PFAS: variants seen among roughly 807,000 people sequenced by gnomAD.
PFAS encodes the protein FGAM synthase.
Under a neutral mutation model 140.6 loss-of-function variants are expected in PFAS, and 97 were observed. The observed-to-expected ratio is 0.69, with a 90% CI of 0.59 to 0.82. PFAS has a LOEUF of 0.82. Among genes scored for constraint, PFAS ranks in the 40% least tolerant of loss-of-function variants. The pLI, the probability that PFAS is intolerant of heterozygous loss-of-function variation, is 0.00. For missense variants in PFAS, 1,656 were observed against 1,780.2 expected (o/e 0.93, Z 1.26); for synonymous variants, 679 against 718.8 (o/e 0.94, Z 0.88).
rs764969195 is a variant in PFAS, at chr17:8,263,896, G to T, written c.1751G>T (p.Cys584Phe). The T allele has an allele frequency of 1.6e-5, 26 of 1,613,784 alleles. No individual in the cohort carries two copies. Among genetic ancestry groups the T allele is most frequent in the Admixed American group, 6.7e-5 (4 of 59,996 alleles). The change falls in exon 15 of 28, where the codon TGC becomes TTC. Residue 584 changes from cysteine (C) to phenylalanine (F), a missense_variant. Transcript: ENST00000314666. ...ACTCATGTCAGTGCCCGTGAACGTT[G>T]CCCGGCTTGCTTCGTGGGCACCATC... is the stretch of plus-strand genomic sequence containing the variant. Reference protein sequence around the residue: ...FLTHVSARERCPACFVGTITG... With the variant: ...FLTHVSARERFPACFVGTITG...
At chr17:8,257,136 G>A (rs887628895) in intron 9 of PFAS, among the ~76,000 whole-genome samples, 173 bp downstream of exon 9, 20 of 152,210 alleles carry the variant, frequency 1.3e-4, no homozygotes, top group Non-Finnish European at 2.5e-4. Context: ...GACCTGGGGA[G>A]ATGAGGTGGC....
At position 8,266,837 on chromosome 17, in the gene PFAS, G is replaced by A. The variant is rs748131205; in HGVS notation, c.2906G>A (p.Arg969Gln). The change falls in exon 23 of 28, where the codon CGG (arginine) becomes CAG (glutamine). Residue 969 changes from arginine (R) to glutamine (Q), a missense_variant. Transcript: ENST00000314666. The surrounding 1 kb of genome is among the most constrained non-coding windows in gnomAD (Gnocchi z 5.0). ...PDLAQVLKRY[R>Q]DAGLHCLELG... ...CTGGCCCAGGTGCTGAAGCGTTACC[G>A]GGATGCTGGCCTCCATTGCCTGGAG... 12 of 1,610,716 alleles carry A rather than the reference G, an allele frequency of 7.5e-6. No individual in the cohort carries two copies. Among genetic ancestry groups the A allele is most frequent in the East Asian group, 2.2e-5 (1 of 44,890 alleles).
chr17:8,260,067 C>T (rs561308081), intron 11 of PFAS, among the ~76,000 whole-genome samples: 1 of 151,486 alleles, frequency 6.6e-6, no homozygotes, highest in Admixed American at 6.6e-5. Context: ...CGCCACTGCA[C>T]TCCAGTCTGG....
chr17:8,254,924 G>A, intron 3 of PFAS, 103 bp from the exon 4 acceptor site: 1 of 771,010 alleles, frequency 1.3e-6, no homozygotes, highest in Non-Finnish European at 2.3e-6. Context: ...ATGGTGAGGG[G>A]ATAGCGGTGG....
upstream of PFAS, among the ~76,000 whole-genome samples, chr17:8,248,973 C>T (rs1989008020): frequency 6.6e-6 from 1 of 152,222 alleles, no homozygotes; most frequent in African/African-American, 2.4e-5. Flanking sequence ...TTCTAAGCAT[C>T]TTTCAGTCTC....
rs571741027 is a variant in PFAS, at chr17:8,266,929, G to C, written c.2967+31G>C. 1.3e-6 allele frequency: 2 copies of C among 1,599,356 alleles called. No homozygotes were observed. The highest frequency in any genetic ancestry group is 4.5e-5 in the East Asian group (2 of 44,790). On this transcript the variant is annotated intron_variant, in intron 23 of 27. Coordinates refer to ENST00000314666, the MANE Select transcript of PFAS (RefSeq NM_012393.3). The surrounding 1 kb of genome is among the most constrained non-coding windows in gnomAD (Gnocchi z 5.0). ...GAAGTGAGGGAGAGAGCGGTGTGCA[G>C]TGGGCAGTCAGAGTGGGGTGGCCGC...
rs1425678893 is a variant in PFAS at position 8,249,326 on chromosome 17, A to T, written c.-93A>T. On this transcript the variant is annotated 5_prime_UTR_variant, in exon 1 of 28. Transcript: ENST00000314666. ...CGATTCGAGGTGCTCTGTGGCCGCGAGTGCATCTTCCACGTGAGTATAGTT... is the reference window on the plus strand; with the variant it reads ...CGATTCGAGGTGCTCTGTGGCCGCGTGTGCATCTTCCACGTGAGTATAGTT... 1.3e-5 allele frequency: 2 copies of T among 152,180 alleles called. No individual in the cohort carries two copies. Among genetic ancestry groups the T allele is most frequent in the Non-Finnish European group, 2.9e-5 (2 of 68,048 alleles). The allele number at this position is 152,180 out of a possible 1,614,324, so 9.4% of individuals were successfully genotyped here.
intron 8 of PFAS, 48 bp from the exon 9 acceptor site, chr17:8,256,787 G>C (rs1989384928): frequency 2.6e-6 from 4 of 1,560,196 alleles, no homozygotes; most frequent in Non-Finnish European, 3.5e-6. Flanking sequence ...TCAGAGATGG[G>C]GGTTTGTCTC....
chr17:8,269,044 CCA>C lies in PFAS; in HGVS notation c.3800_3801del (p.Thr1267ArgfsTer21), dbSNP rs1447115877. ...CACTGGGCTGATGATGACGGGAACC[CCA>C]CAGAGCAGTACCCTCTGAATCCCAA... On this transcript the variant is annotated frameshift_variant, in exon 28 of 28. Coordinates refer to ENST00000314666, the MANE Select transcript of PFAS (RefSeq NM_012393.3). LOFTEE classifies it high-confidence loss of function. 1 of 1,614,150 alleles carries C rather than the reference CCA, an allele frequency of 6.2e-7. No individual in the cohort carries two copies. The highest frequency in any genetic ancestry group is 8.5e-7 in the Non-Finnish European group (1 of 1,179,976).
In PFAS at chr17:8,267,551, G is replaced by T. The variant is rs1989869735; in HGVS notation, c.3268G>T (p.Val1090Leu). The T allele has an allele frequency of 6.2e-7, 1 of 1,606,722 alleles. No homozygotes were observed. Among genetic ancestry groups the T allele is most frequent in the Non-Finnish European group, 8.5e-7 (1 of 1,173,258 alleles). The change falls in exon 26 of 28, where the codon GTA (valine) becomes TTA (leucine). Residue 1090 changes from valine (V) to leucine (L), a missense_variant and splice_region_variant. Physicochemically the swap from Val to Leu is conservative, Grantham distance 32. This residue lies in a region of PFAS where 883 missense variants were observed against 1,023.0 expected (regional missense o/e 0.86). Transcript: ENST00000314666. This position sits in a 1 kb window ranked among gnomAD's most constrained non-coding sequence, Gnocchi z 4.9. ...ACACTCCCCCTCCCCACCTTCGCAGGTATGGGACGTGACCATGCAGGACCT... is the reference window on the plus strand; with the variant it reads ...ACACTCCCCCTCCCCACCTTCGCAGTTATGGGACGTGACCATGCAGGACCT... ...ADAFHLAGFE[V>L]WDVTMQDLCS...
At chr17:8,256,670 A>G in intron 8 of PFAS, 22 bp downstream of exon 8, 1 of 1,613,506 alleles carries the variant, frequency 6.2e-7, no homozygotes, top group Non-Finnish European at 8.5e-7. Flanking sequence ...TCCCTGGAGA[A>G]ATAGGTGAGA....
At position 8,263,617 on chromosome 17, in the gene PFAS, T is replaced by G; in HGVS notation, c.1610T>G (p.Ile537Ser). 1 of 1,614,036 alleles carries G rather than the reference T, an allele frequency of 6.2e-7. No homozygotes were observed. The highest frequency in any genetic ancestry group is 8.5e-7 in the Non-Finnish European group (1 of 1,179,928). Residue 537 changes from isoleucine to serine, a missense_variant, in exon 14 of 28, where the codon ATT becomes AGT. By Grantham distance (142) the Ile-to-Ser change is moderately radical. This residue lies in a region of PFAS where 773 missense variants were observed against 757.3 expected (regional missense o/e 1.02). Transcript: ENST00000314666. Reference sequence around the variant, plus strand: ...CTGAGTGACCCAGCTGGAGCCATCATTTACACCAGCCGCTTCCAGGTGGGT... The same window carrying G: ...CTGAGTGACCCAGCTGGAGCCATCAGTTACACCAGCCGCTTCCAGGTGGGT... ...KELSDPAGAI[I>S]YTSRFQLGDP... is the part of the protein sequence containing the mutation.
In PFAS at chr17:8,267,853, T is replaced by C. The variant is rs1198413025; in HGVS notation, c.3382+188T>C. On this transcript the variant is annotated intron_variant, in intron 26 of 27. Coordinates refer to ENST00000314666, the MANE Select transcript of PFAS (RefSeq NM_012393.3). This position sits in a 1 kb window ranked among gnomAD's most constrained non-coding sequence, Gnocchi z 4.9. ...TTTTAATTTTTTCATTGAAAAAAAG[T>C]ATATATATACACATATGTAATTAAA... Among the ~76,000 whole-genome samples the C allele has an allele frequency of 6.7e-6, 1 of 148,286 alleles. No individual in the cohort carries two copies. Among genetic ancestry groups the C allele is most frequent in the Non-Finnish European group, 1.5e-5 (1 of 67,342 alleles).
chr17:8,247,950 A>G (rs1988905164), upstream of PFAS: 3 of 1,556,450 alleles, frequency 1.9e-6, no homozygotes, highest in African/African-American at 4.1e-5. Flanking sequence ...GAAGAGAAAG[A>G]GTATCTGTGA....
In PFAS at chr17:8,265,367, C is replaced by G. The variant is rs1167466748; in HGVS notation, c.2360C>G (p.Ala787Gly). The G allele has an allele frequency of 3.1e-6, 5 of 1,614,056 alleles. No individual in the cohort carries two copies. Among genetic ancestry groups the G allele is most frequent in the Admixed American group, 1.7e-5 (1 of 60,002 alleles). Residue 787 changes from alanine (A) to glycine (G), a missense_variant, in exon 19 of 28, where the codon GCT (alanine) becomes GGT (glycine). By Grantham distance (60) the Ala-to-Gly change is moderately conservative. This residue lies in a region of PFAS where 883 missense variants were observed against 1,023.0 expected (regional missense o/e 0.86). Coordinates refer to ENST00000314666, the MANE Select transcript of PFAS (RefSeq NM_012393.3). The part of the protein sequence containing the change: ...EGAALADACE[A>G]MVAVMAALGV... The stretch of plus-strand genomic sequence containing the variant: ...GCAGCTTTGGCGGATGCCTGTGAGG[C>G]TATGGTGGCAGTGATGGCAGCCCTG...
At position 8,267,809 on chromosome 17, in the gene PFAS, C is replaced by T. The variant is rs554583409; in HGVS notation, c.3382+144C>T. 39 of 428,216 alleles carry T rather than the reference C, an allele frequency of 9.1e-5. No homozygotes were observed. The highest frequency in any genetic ancestry group is 8.0e-4 in the African/African-American group (39 of 48,744). 26.5% of individuals were successfully genotyped at this position (428,216 alleles called of 1,614,324 possible). The stretch of plus-strand genomic sequence containing the variant: ...CCATTCGTTCTGGGCCACATGCCAA[C>T]AGAAGGCTGGTAGTAAATTTTTAAT... On this transcript the variant is annotated intron_variant, in intron 26 of 27. Transcript: ENST00000314666. This position sits in a 1 kb window ranked among gnomAD's most constrained non-coding sequence, Gnocchi z 4.9.
intron 11 of PFAS, among the ~76,000 whole-genome samples, chr17:8,259,125 CAAAA>C (rs34642794): frequency 2.5e-5 from 3 of 118,678 alleles, no homozygotes; most frequent in East Asian, 2.4e-4. Context: ...GCACCACTGT[CAAAA>C]AAAAAAAAAA....
At chr17:8,264,626 C>A in intron 17 of PFAS, 25 bp downstream of exon 17, 1 of 1,574,866 alleles carries the variant, frequency 6.3e-7, no homozygotes, top group South Asian at 1.2e-5. Flanking sequence ...CTTCCTCTGC[C>A]CCCTGCCTCC....
At chr17:8,254,988 G>T in intron 3 of PFAS, 39 bp from the exon 4 acceptor site, 1 of 1,462,764 alleles carries the variant, frequency 6.8e-7, no homozygotes, top group Non-Finnish European at 9.6e-7. Context: ...GAGGCCTGCC[G>T]GGGGTTCTCC....
Sources: gnomAD v4.1 joint callset for allele counts (sites outside exome capture counted in the v4.1 genomes callset) on GRCh38, gnomAD v4.1.1 for gene constraint, gnomAD v4.1.1 regional missense constraint, Gnocchi (gnomAD v3.1) non-coding constraint, MANE v1.5 for transcripts, NCBI Gene and HGNC (gene_info 2026-07-23, HGNC 2026-07-21) for gene names.